FGF13: variants seen among roughly 807,000 people sequenced by gnomAD.
FGF13 encodes fibroblast growth factor homologous factor 2.
FGF13 carries 2 observed loss-of-function variants against 19.5 expected under a neutral mutation model. That is an observed-to-expected ratio of 0.10 (90% CI 0.04 to 0.32). FGF13 has a LOEUF of 0.32. FGF13 is among the 10% of genes least tolerant of loss of function. The pLI is 1.00. For synonymous variants in FGF13, 72 were observed against 76.9 expected, an observed-to-expected ratio of 0.94 and a Z score of 0.33; for missense variants, 113 against 192.7, an observed-to-expected ratio of 0.59 and a Z score of 2.45.
chrX:138,978,332 G>A (rs1312644041), intron 1 of FGF13, among the ~76,000 whole-genome samples: 4 of 95,805 alleles, frequency 4.2e-5, no homozygotes, highest in Non-Finnish European at 8.0e-5. Flanking sequence ...GCGCGATCTC[G>A]GCTCACTGCA....
chrX:138,646,395 T>C (rs192501011), intron 3 of FGF13, among the ~76,000 whole-genome samples: 436 of 111,492 alleles, frequency 3.9e-3, no homozygotes, highest in African/African-American at 0.011. Flanking sequence ...GGTACTGGCA[T>C]GTGATATTTC....
At chrX:139,029,950 C>G (rs1033526028) in intron 1 of FGF13, among the ~76,000 whole-genome samples, 1 of 111,554 alleles carries the variant, frequency 9.0e-6, no homozygotes, top group Non-Finnish European at 1.9e-5. Context: ...TACACCATAC[C>G]ATCTTTCTCA....
At chrX:138,995,069 A>G (rs1453643865) in intron 1 of FGF13, among the ~76,000 whole-genome samples, 2 of 109,903 alleles carry the variant, frequency 1.8e-5, no homozygotes, top group Non-Finnish European at 3.8e-5. Context: ...AGAGGCAATG[A>G]AGAGGGCAGG....
chrX:139,157,851 T>G (rs1245516059), intron 1 of FGF13, among the ~76,000 whole-genome samples: 2 of 112,102 alleles, frequency 1.8e-5, no homozygotes, highest in East Asian at 2.8e-4. Flanking sequence ...GGTCTGCAGC[T>G]CCCAGTGAGA....
chrX:138,821,719 ACATT>A (rs1160075063), intron 3 of FGF13, among the ~76,000 whole-genome samples: 1 of 112,027 alleles, frequency 8.9e-6, no homozygotes, highest in Admixed American at 9.5e-5. Context: ...CATGTGGCTT[ACATT>A]ATGTTTCTAT....
rs1372673094 is a variant in FGF13, at chrX:138,617,792, A to G, written c.*15058T>C. ...CCATCTCTACAAAAAATGTAAAAAT[A>G]TTAGCTGGGCATGGTGGCACACGCC... On this transcript the variant is annotated 3_prime_UTR_variant, in exon 5 of 5. Transcript: ENST00000315930. The G allele has an allele frequency of 9.0e-6, 1 of 110,619 alleles. No individual in the cohort carries two copies. The highest frequency in any genetic ancestry group is 1.9e-5 in the Non-Finnish European group (1 of 52,981). 9.1% of individuals were successfully genotyped at this position (110,619 alleles called of 1,213,427 possible).
intron 1 of FGF13, among the ~76,000 whole-genome samples, chrX:138,869,598 T>G (rs958113219): frequency 8.9e-5 from 10 of 112,253 alleles, no homozygotes; most frequent in African/African-American, 3.2e-4. Flanking sequence ...TTCATCAATT[T>G]GCAAGCTCAA....
rs374129615 is a variant in FGF13 at position 138,632,895 on chromosome X, G to A, written c.693C>T (p.Gly231=). The change falls in exon 5 of 5, where the codon GGC becomes GGT. Residue 231 remains glycine (G), a synonymous_variant. Coordinates refer to ENST00000315930, the MANE Select transcript of FGF13 (RefSeq NM_004114.5). ...TCATGGATTTGCCTCCGTTCAGCAC[G>A]CCAGAGACACTTCTGCTCTTGGTTG... ...GTPTKSRSVS[G]VLNGGKSMSH... The A allele has an allele frequency of 7.4e-4, 894 of 1,208,102 alleles. 2 individuals are homozygous for A. Among genetic ancestry groups the A allele is most frequent in the Middle Eastern group, 7.2e-3 (31 of 4,331 alleles).
intron 3 of FGF13, among the ~76,000 whole-genome samples, chrX:138,676,757 TG>T (rs780085439): frequency 8.9e-6 from 1 of 112,299 alleles, no homozygotes; most frequent in South Asian, 3.7e-4. Flanking sequence ...AATCTAATGC[TG>T]CTGCTGATCT....
At chrX:138,922,205 G>C (rs149211899) in intron 1 of FGF13, among the ~76,000 whole-genome samples, 2 of 110,875 alleles carry the variant, frequency 1.8e-5, no homozygotes, top group South Asian at 7.5e-4. Flanking sequence ...AATATCCTGA[G>C]TGTAAGCAAT....
At chrX:139,182,971 G>C (rs1404004426) in intron 1 of FGF13, among the ~76,000 whole-genome samples, 1 of 111,040 alleles carries the variant, frequency 9.0e-6, no homozygotes, top group Non-Finnish European at 1.9e-5. Flanking sequence ...TCACTCAAGG[G>C]CACCCAGTTC....
At chrX:138,960,200 C>T (rs899245524) in intron 1 of FGF13, among the ~76,000 whole-genome samples, 1 of 111,463 alleles carries the variant, frequency 9.0e-6, no homozygotes, top group Non-Finnish European at 1.9e-5. Context: ...TTCAGGAGCT[C>T]TTGTAAGGCA....
At chrX:139,151,721 T>C (rs2083936036) in intron 1 of FGF13, among the ~76,000 whole-genome samples, 1 of 112,350 alleles carries the variant, frequency 8.9e-6, no homozygotes, top group Non-Finnish European at 1.9e-5. Context: ...GTTGATACAC[T>C]GGAATTTTTA....
At chrX:138,984,414 A>G (rs2091977525) in intron 1 of FGF13, among the ~76,000 whole-genome samples, 1 of 103,534 alleles carries the variant, frequency 9.7e-6, no homozygotes, top group Admixed American at 1.1e-4. Flanking sequence ...GACTCTGTCA[A>G]ACAAAGGAAG....
At chrX:138,692,352 C>G (rs1283749538) in intron 3 of FGF13, among the ~76,000 whole-genome samples, 4 of 108,198 alleles carry the variant, frequency 3.7e-5, no homozygotes, top group African/African-American at 1.3e-4. Context: ...TATTTCAATG[C>G]ACAAGGTTGA....
At chrX:138,650,642 TG>T (rs1366803843) in intron 3 of FGF13, among the ~76,000 whole-genome samples, 22 of 111,857 alleles carry the variant, frequency 2.0e-4, no homozygotes, top group Non-Finnish European at 1.1e-4. Context: ...ACATAATAAC[TG>T]TACATATTAA....
intron 1 of FGF13, among the ~76,000 whole-genome samples, chrX:138,986,364 T>C (rs1196655520): frequency 9.0e-6 from 1 of 111,659 alleles, no homozygotes; most frequent in Non-Finnish European, 1.9e-5. Context: ...CACTGAGGAC[T>C]AAGCCAGGTC....
At chrX:138,691,639 G>A (rs778121067) in intron 3 of FGF13, among the ~76,000 whole-genome samples, 2 of 111,413 alleles carry the variant, frequency 1.8e-5, no homozygotes, top group East Asian at 2.8e-4. Flanking sequence ...ATCTTTATAG[G>A]ACATTTTTTC....
intron 1 of FGF13, among the ~76,000 whole-genome samples, chrX:139,001,952 A>T (rs184267175): frequency 4.5e-5 from 5 of 112,198 alleles, no homozygotes; most frequent in African/African-American, 1.6e-4. Context: ...ATGCCCATCA[A>T]TGATAGACTG....
Sources: gnomAD v4.1 joint callset for allele counts (sites outside exome capture counted in the v4.1 genomes callset) on GRCh38, gnomAD v4.1.1 for gene constraint, MANE v1.5 for transcripts, NCBI Gene and HGNC (gene_info 2026-07-23, HGNC 2026-07-21) for gene names.